The following LIPG variants were observed in gnomAD, a reference collection of about 807,000 sequenced individuals.
The protein encoded by LIPG is lipase G, endothelial type.
In LIPG, 34 loss-of-function variants were observed where a neutral mutation model predicts 51.8. The ratio of observed to expected loss-of-function variants is 0.66; its 90% CI spans 0.50 to 0.87. The LOEUF (loss-of-function observed/expected upper bound fraction) is 0.87, where lower values mean the gene tolerates loss of function less well. LIPG is among the 40% of genes least tolerant of loss of function. LIPG has a pLI of 0.00. For synonymous variants in LIPG, 246 were observed against 246.1 expected (o/e 1.00, Z 0.00); for missense variants, 580 against 652.7 (o/e 0.89, Z 1.21).
At position 49,596,023 on chromosome 18, in the gene LIPG, A is replaced by G. The variant is rs1341768733; in HGVS notation, c.*5501A>G. 2 of 152,146 alleles carry G rather than the reference A, an allele frequency of 1.3e-5. No homozygotes were observed. The highest frequency in any genetic ancestry group is 2.4e-5 in the African/African-American group (1 of 41,428). 9.4% of individuals were successfully genotyped at this position (152,146 alleles called of 1,614,324 possible). ...AACAAAGATGAATTCCAAAATACCTATTGGGTACTATGCTTATTACCTGAG... is the reference window on the plus strand; with the variant it reads ...AACAAAGATGAATTCCAAAATACCTGTTGGGTACTATGCTTATTACCTGAG... On this transcript the variant is annotated 3_prime_UTR_variant, in exon 10 of 10. Transcript: ENST00000261292.
At chr18:49,588,974 C>T (rs2084913563) in intron 9 of LIPG, among the ~76,000 whole-genome samples, 1 of 152,204 alleles carries the variant, frequency 6.6e-6, no homozygotes, top group African/African-American at 2.4e-5. Flanking sequence ...GGTTGTTAGC[C>T]CTGTGTACAG....
Position 49,581,580 on chromosome 18 carries a change from G to A in LIPG, c.959G>A (p.Gly320Asp). ...SCRKNRCNSI[G>D]YNAKKMRNKR... ...CGCAAGAACCGTTGTAATAGCATTGGCTACAATGCCAAGAAAATGAGGAAC... is the reference window on the plus strand; with the variant it reads ...CGCAAGAACCGTTGTAATAGCATTGACTACAATGCCAAGAAAATGAGGAAC... The change falls in exon 6 of 10, where the codon GGC (glycine) becomes GAC (aspartate). Residue 320 changes from glycine (G) to aspartate (D), a missense_variant. Coordinates refer to ENST00000261292, the MANE Select transcript of LIPG (RefSeq NM_006033.4). The A allele has an allele frequency of 6.2e-7, 1 of 1,614,184 alleles. No individual in the cohort carries two copies. Among genetic ancestry groups the A allele is most frequent in the South Asian group, 1.1e-5 (1 of 91,086 alleles).
chr18:49,561,832 G>A (rs912577589), upstream of LIPG: 8 of 1,251,468 alleles, frequency 6.4e-6, no homozygotes, highest in African/African-American at 1.5e-5. Flanking sequence ...TGCTGGAGTC[G>A]CAGCTGCCTG....
intron 4 of LIPG, among the ~76,000 whole-genome samples, chr18:49,572,041 C>T (rs751442135): frequency 4.6e-5 from 7 of 152,170 alleles, no homozygotes; most frequent in Non-Finnish European, 7.3e-5. Flanking sequence ...CGGGCGTGGC[C>T]GGGCGCAGTG....
chr18:49,581,902 A>G (rs1458497291), intron 6 of LIPG: 33 of 601,186 alleles, frequency 5.5e-5, no homozygotes, highest in Middle Eastern at 4.3e-4. Context: ...TTAAATTTCT[A>G]TCTTGCATTT....
At position 49,579,802 on chromosome 18, in the gene LIPG, T is replaced by C. The variant is rs997351233; in HGVS notation, c.794-1613T>C. Among the ~76,000 whole-genome samples, 496 of 104,886 alleles carry C rather than the reference T, an allele frequency of 4.7e-3. 11 individuals are homozygous for C. Among genetic ancestry groups the C allele is most frequent in the African/African-American group, 0.014 (416 of 28,846 alleles). The allele number at this position is 104,886 out of a possible 152,430, so 68.8% of individuals were successfully genotyped here. A position where few individuals can be genotyped will look rare whatever the true frequency, so the allele number is the denominator to read the frequency against. Reference sequence around the variant, plus strand: ...TCTTTTCTTTTCTTTTCTTTTCTTTTCTTTTCTTTTCTTTTCTTTACTTTA... The same window carrying C: ...TCTTTTCTTTTCTTTTCTTTTCTTTCCTTTTCTTTTCTTTTCTTTACTTTA... On this transcript the variant is annotated intron_variant, in intron 5 of 9. Coordinates refer to ENST00000261292, the MANE Select transcript of LIPG (RefSeq NM_006033.4).
chr18:49,589,030 C>T (rs186402007), intron 9 of LIPG, among the ~76,000 whole-genome samples: 6 of 152,230 alleles, frequency 3.9e-5, no homozygotes, highest in African/African-American at 1.4e-4. Context: ...TCCCAAGGCC[C>T]CCAGCAATGG....
upstream of LIPG, chr18:49,561,627 C>T: frequency 8.3e-7 from 1 of 1,203,746 alleles, no homozygotes; most frequent in South Asian, 4.2e-5. Context: ...GACGGACTCC[C>T]GGCCCAGGGA....
At chr18:49,568,995 G>A (rs1326903434) in intron 3 of LIPG, among the ~76,000 whole-genome samples, 2 of 152,180 alleles carry the variant, frequency 1.3e-5, no homozygotes, top group East Asian at 1.9e-4. Flanking sequence ...TGAGGAGGAG[G>A]TTGGCAGCTC....
chr18:49,572,070 A>G (rs2084669747), intron 4 of LIPG, among the ~76,000 whole-genome samples: 1 of 152,232 alleles, frequency 6.6e-6, no homozygotes, highest in East Asian at 1.9e-4. Context: ...CTGTAACCCC[A>G]GCACTTTGGG....
At position 49,581,496 on chromosome 18, in the gene LIPG, G is replaced by A; in HGVS notation, c.875G>A (p.Ser292Asn). The A allele has an allele frequency of 1.2e-6, 2 of 1,614,210 alleles. No homozygotes were observed. Among genetic ancestry groups the A allele is most frequent in the Non-Finnish European group, 8.5e-7 (1 of 1,180,046 alleles). The change falls in exon 6 of 10, where the codon AGT becomes AAT. Residue 292 changes from serine to asparagine, a missense_variant. Transcript: ENST00000261292. ...TCTCTGGTGAATCAGGACAAGCCGA[G>A]TTTTGCCTTCCAGTGCACTGACTCC... is the stretch of plus-strand genomic sequence containing the variant. ...VDSLVNQDKP[S>N]FAFQCTDSNR...
Position 49,569,493 on chromosome 18 carries a change from G to T in LIPG, c.516G>T (p.Ala172=), listed in dbSNP as rs574190987. The part of the protein sequence containing the change: ...NVHLIGYSLG[A]HVAGYAGNFV... ...ACTTGATCGGCTACAGCCTCGGAGC[G>T]CACGTGGCCGGGTATGCAGGCAACT... is the stretch of plus-strand genomic sequence containing the variant. The change falls in exon 4 of 10, where the codon GCG becomes GCT. Residue 172 remains alanine (A), a synonymous_variant. Transcript: ENST00000261292. 1 of 1,614,176 alleles carries T rather than the reference G, an allele frequency of 6.2e-7. No homozygotes were observed. The highest frequency in any genetic ancestry group is 1.3e-5 in the African/African-American group (1 of 75,056).
chr18:49,576,457 CTTTTTTTTT>C (rs34597464), intron 5 of LIPG, among the ~76,000 whole-genome samples: 6 of 51,544 alleles, frequency 1.2e-4, no homozygotes, highest in African/African-American at 1.7e-4. Context: ...CAGAATCTTG[CTTTTTTTTT>C]TTTTTTTTTT....
In LIPG at chr18:49,583,551, T is replaced by C. The variant is rs1024350402; in HGVS notation, c.1158-5T>C. The C allele has an allele frequency of 1.9e-6, 3 of 1,612,204 alleles. No individual in the cohort carries two copies. In the African/African-American group the frequency reaches 4.0e-5, roughly 22 times the overall value. On this transcript the variant is annotated splice_region_variant and splice_polypyrimidine_tract_variant and intron_variant, in intron 7 of 9. Transcript: ENST00000261292. ...GAGTGAGATCAGCTTCTCTCCCACT[T>C]GTAGAGTGGAGCGGATCGAGCAGAA...
chr18:49,561,855 G>C, upstream of LIPG: 1 of 1,262,414 alleles, frequency 7.9e-7, no homozygotes, highest in Non-Finnish European at 9.9e-7. Context: ...GAGCGGGCCC[G>C]GGAGGAAGCG....
rs2084556806 is a variant in LIPG, at chr18:49,562,173, T to G, written c.-136T>G. On this transcript the variant is annotated 5_prime_UTR_variant, in exon 1 of 10. Transcript: ENST00000261292. ...GCTCCGTGCCGCCAAGTTTTCATTT[T>G]CCACCTTCTCTGCCTCCAGTCCCCC... The G allele has an allele frequency of 6.6e-7, 1 of 1,515,674 alleles. No homozygotes were observed. The highest frequency in any genetic ancestry group is 1.3e-5 in the South Asian group (1 of 79,190). 93.9% of individuals were successfully genotyped at this position (1,515,674 alleles called of 1,614,324 possible). A position where few individuals can be genotyped will look rare whatever the true frequency, so the allele number is the denominator to read the frequency against.
chr18:49,567,355 G>T, intron 2 of LIPG, 87 bp from the exon 3 acceptor site: 12 of 1,352,356 alleles, frequency 8.9e-6, no homozygotes, highest in Middle Eastern at 3.9e-4. Context: ...AAAATTAATT[G>T]GGAAGAGGGT....
At chr18:49,580,077 G>C (rs1003656109) in intron 5 of LIPG, among the ~76,000 whole-genome samples, 1 of 152,192 alleles carries the variant, frequency 6.6e-6, no homozygotes, top group Non-Finnish European at 1.5e-5. Flanking sequence ...GCCTCCCAAA[G>C]TGCTGGGATT....
intron 2 of LIPG, among the ~76,000 whole-genome samples, chr18:49,567,009 T>C (rs1216760424): frequency 1.3e-5 from 2 of 152,208 alleles, no homozygotes; most frequent in Admixed American, 1.3e-4. Flanking sequence ...GTGCAAATGT[T>C]TGGTCCCTGA....
Sources: gnomAD v4.1 joint callset for allele counts (sites outside exome capture counted in the v4.1 genomes callset) on GRCh38, gnomAD v4.1.1 for gene constraint, MANE v1.5 for transcripts, NCBI Gene and HGNC (gene_info 2026-07-23, HGNC 2026-07-21) for gene names.